Variants in RGS12 observed in about 807,000 individuals in gnomAD.
RGS12 encodes regulator of G-protein signaling 12.
RGS12 carries 66 observed loss-of-function variants against 120.1 expected under a neutral mutation model. The observed-to-expected ratio is 0.55, with a 90% CI of 0.45 to 0.67. The LOEUF (loss-of-function observed/expected upper bound fraction) is 0.67. Among genes scored for constraint, RGS12 ranks in the 30% least tolerant of loss-of-function variants. The probability of loss-of-function intolerance (pLI) is 0.00; values close to 1 mark genes in which losing one functional copy is unlikely to be tolerated. For missense variants in RGS12, 1,859 were observed against 1,957.7 expected, an observed-to-expected ratio of 0.95 and a Z score of 0.95; for synonymous variants, 827 against 804.7, an observed-to-expected ratio of 1.03 and a Z score of -0.47.
intron 4 of RGS12, among the ~76,000 whole-genome samples, chr4:3,410,989 G>A (rs888189107): frequency 6.6e-6 from 1 of 152,180 alleles, no homozygotes; most frequent in African/African-American, 2.4e-5. Flanking sequence ...TGAGATTTGC[G>A]CCTCTGTGCC....
intron 3 of RGS12, among the ~76,000 whole-genome samples, chr4:3,350,532 A>G (rs1377195868): frequency 6.6e-6 from 1 of 152,210 alleles, no homozygotes; most frequent in Admixed American, 6.5e-5. Flanking sequence ...AAATAAAAAA[A>G]TTAGGCAGGT....
At chr4:3,396,762 G>A (rs1362563626) in intron 4 of RGS12, among the ~76,000 whole-genome samples, 4 of 152,078 alleles carry the variant, frequency 2.6e-5, no homozygotes, top group Non-Finnish European at 5.9e-5. Context: ...ATATATTTTG[G>A]AGGCAATTTT....
chr4:3,404,641 C>T (rs552219592), intron 4 of RGS12, among the ~76,000 whole-genome samples: 2 of 152,158 alleles, frequency 1.3e-5, no homozygotes, highest in African/African-American at 4.8e-5. Flanking sequence ...GCATTGGAGG[C>T]GTCAGTATGA....
chr4:3,383,921 TG>T (rs1718539267), intron 3 of RGS12, among the ~76,000 whole-genome samples: 2 of 152,190 alleles, frequency 1.3e-5, no homozygotes. Flanking sequence ...TCAGCTAATT[TG>T]GGGGATGTAA....
chr4:3,420,821 G>A (rs775338283), intron 10 of RGS12, 103 bp downstream of exon 10: 101 of 1,029,986 alleles, frequency 9.8e-5, no homozygotes, highest in Admixed American at 5.4e-4. Context: ...AAAACTCAGC[G>A]TTCACTTTGT....
chr4:3,377,805 G>T (rs1013361448), intron 3 of RGS12, among the ~76,000 whole-genome samples: 1 of 152,252 alleles, frequency 6.6e-6, no homozygotes, highest in South Asian at 2.1e-4. Context: ...CCACCGAGGA[G>T]CAGAGGTTGT....
intron 2 of RGS12, among the ~76,000 whole-genome samples, chr4:3,331,145 G>GCAAGT (rs1278162388): frequency 9.2e-5 from 14 of 152,162 alleles, no homozygotes; most frequent in Non-Finnish European, 2.9e-5. Context: ...AGTGGAAAAT[G>GCAAGT]CAAGTCACAA....
chr4:3,313,969 CATTT>C (rs1234163419), intron 1 of RGS12, among the ~76,000 whole-genome samples: 2 of 151,720 alleles, frequency 1.3e-5, no homozygotes, highest in African/African-American at 4.8e-5. Flanking sequence ...CCAACTTTTA[CATTT>C]ATTTATTTAT....
At position 3,366,963 on chromosome 4, in the gene RGS12, C is replaced by T. The variant is rs1560118245; in HGVS notation, c.1999-19453C>T. On this transcript the variant is annotated intron_variant, in intron 3 of 17. Transcript: ENST00000336727. This position sits in a 1 kb window ranked among gnomAD's most constrained non-coding sequence, Gnocchi z 4.0. ...TCCTCACCTCTGCCCGGCTCAGCTC[C>T]TCCCCGCCCAGAATGCCCTCTGCCC... Among the ~76,000 whole-genome samples, 1 of 152,240 alleles carries T rather than the reference C, an allele frequency of 6.6e-6. No homozygotes were observed. Among genetic ancestry groups the T allele is most frequent in the Non-Finnish European group, 1.5e-5 (1 of 68,028 alleles).
At chr4:3,361,316 G>A (rs1360001774) in intron 3 of RGS12, among the ~76,000 whole-genome samples, 1 of 152,026 alleles carries the variant, frequency 6.6e-6, no homozygotes, top group African/African-American at 2.4e-5. Context: ...GGCTACGTGG[G>A]CTTCACTTCA....
chr4:3,332,079 G>T (rs1026738083), intron 2 of RGS12, among the ~76,000 whole-genome samples: 1 of 152,204 alleles, frequency 6.6e-6, no homozygotes, highest in African/African-American at 2.4e-5. Context: ...GAGAAGCTGG[G>T]ATCACTAGGA....
At chr4:3,346,983 G>A (rs1213646227) in intron 3 of RGS12, among the ~76,000 whole-genome samples, 1 of 144,764 alleles carries the variant, frequency 6.9e-6, no homozygotes, top group African/African-American at 2.6e-5. Context: ...CTACAAAGAG[G>A]GAACAGATTT....
At chr4:3,346,037 GC>G (rs1023566364) in intron 3 of RGS12, among the ~76,000 whole-genome samples, 31 of 152,260 alleles carry the variant, frequency 2.0e-4, no homozygotes, top group African/African-American at 5.8e-4. Context: ...GAGCCACCAT[GC>G]CCCGACCTGT....
chr4:3,304,675 G>A (rs1560641378), intron 1 of RGS12, among the ~76,000 whole-genome samples: 1 of 152,196 alleles, frequency 6.6e-6, no homozygotes, highest in African/African-American at 2.4e-5. Context: ...TTTGTCTCTG[G>A]TGTATCTGGT....
rs1319083272 is a variant in RGS12 at position 3,366,154 on chromosome 4, A to G, written c.1999-20262A>G. 6.6e-6 allele frequency among the ~76,000 whole-genome samples: 1 copy of G among 152,092 alleles called. No individual in the cohort carries two copies. The highest frequency in any genetic ancestry group is 6.6e-5 in the Admixed American group (1 of 15,258). On this transcript the variant is annotated intron_variant, in intron 3 of 17. Transcript: ENST00000336727. This position sits in a 1 kb window ranked among gnomAD's most constrained non-coding sequence, Gnocchi z 4.0. The stretch of plus-strand genomic sequence containing the variant: ...GAGAAGGGCAATGGGGAAGGAAGGC[A>G]GGCAGGCAGGACAGCCAGACTGTTA...
chr4:3,439,851 C>T lies in RGS12; in HGVS notation c.*167C>T, dbSNP rs1725174148. 7 of 627,680 alleles carry T rather than the reference C, an allele frequency of 1.1e-5. No individual in the cohort carries two copies. Among genetic ancestry groups the T allele is most frequent in the Non-Finnish European group, 1.8e-5 (7 of 383,708 alleles). 38.9% of individuals were successfully genotyped at this position (627,680 alleles called of 1,614,324 possible). A position where few individuals can be genotyped will look rare whatever the true frequency, so the allele number is the denominator to read the frequency against. ...GCACTGGCCCCGGACATTCGCCATG[C>T]TGGCCATGGGGCTCCCTGGCCCTGG... On this transcript the variant is annotated 3_prime_UTR_variant, in exon 18 of 18. Coordinates refer to ENST00000336727, the MANE Select transcript of RGS12 (RefSeq NM_001394154.1).
chr4:3,323,422 T>C (rs1328018654), intron 2 of RGS12, among the ~76,000 whole-genome samples: 1 of 152,240 alleles, frequency 6.6e-6, no homozygotes, highest in Non-Finnish European at 1.5e-5. Flanking sequence ...AGAGTTCGCT[T>C]CCTTTCATGG....
intron 17 of RGS12, chr4:3,431,596 C>T (rs1290620913): frequency 7.1e-6 from 7 of 985,588 alleles, no homozygotes; most frequent in South Asian, 4.7e-5. Context: ...ACAGGATGGC[C>T]TGGCAGCAGG....
intron 4 of RGS12, among the ~76,000 whole-genome samples, chr4:3,402,581 T>G (rs933222500): frequency 2.0e-5 from 3 of 152,152 alleles, no homozygotes; most frequent in Non-Finnish European, 4.4e-5. Context: ...GGACCACTTT[T>G]GAGTCTTCCT....
Sources: allele counts gnomAD v4.1 joint callset (sites outside exome capture counted in the v4.1 genomes callset), GRCh38; gene constraint gnomAD v4.1.1; non-coding constraint Gnocchi (gnomAD v3.1); transcripts MANE v1.5; gene names NCBI Gene and HGNC (gene_info 2026-07-23, HGNC 2026-07-21).